CORO7: variants seen among roughly 807,000 people sequenced by gnomAD.
The protein encoded by CORO7 is coronin-7.
In CORO7, 107 loss-of-function variants were observed where a neutral mutation model predicts 126.6. The ratio of observed to expected loss-of-function variants is 0.85; its 90% CI spans 0.72 to 0.99. The LOEUF (loss-of-function observed/expected upper bound fraction) is 0.99, where lower values mean the gene tolerates loss of function less well. Among genes scored for constraint, CORO7 ranks in the 50% least tolerant of loss-of-function variants. CORO7 has a pLI of 0.00. For synonymous variants in CORO7, 603 were observed against 536.8 expected (o/e 1.12, Z -1.70); for missense variants, 1,314 against 1,255.8 (o/e 1.05, Z -0.70).
chr16:4,416,353 G>C (rs973359044), intron 1 of CORO7, 106 bp downstream of exon 1: 11 of 1,360,610 alleles, frequency 8.1e-6, no homozygotes, highest in Non-Finnish European at 1.0e-5. Context: ...TGGAGGTCTC[G>C]GGGTTCCAGA....
intron 7 of CORO7, 150 bp downstream of exon 7, chr16:4,395,139 G>A: frequency 9.6e-7 from 1 of 1,037,254 alleles, no homozygotes; most frequent in Non-Finnish European, 1.4e-6. Context: ...AGAGCTCCCA[G>A]CAGTGGTGGT....
intron 9 of CORO7, among the ~76,000 whole-genome samples, chr16:4,368,605 G>A (rs955873488): frequency 3.3e-5 from 5 of 151,092 alleles, no homozygotes; most frequent in Non-Finnish European, 5.9e-5. Flanking sequence ...AAAATGAGCT[G>A]AGCATGGTGG....
chr16:4,355,468 C>CTTT, intron 26 of CORO7, 96 bp from the exon 27 acceptor site: 53 of 1,075,464 alleles, frequency 4.9e-5, no homozygotes, highest in Non-Finnish European at 6.7e-5. Context: ...GTGAAAAGAA[C>CTTT]TTTTTTTTTT....
At chr16:4,410,917 G>A (rs59590996) in intron 3 of CORO7, among the ~76,000 whole-genome samples, 385 of 152,340 alleles carry the variant, frequency 2.5e-3, no homozygotes, top group African/African-American at 8.7e-3. Flanking sequence ...GGATCTGGCC[G>A]TGACAGTAGT....
intron 9 of CORO7, chr16:4,382,369 T>C: frequency 2.5e-6 from 4 of 1,612,158 alleles, no homozygotes; most frequent in Non-Finnish European, 3.4e-6. Context: ...CCGTCTCACC[T>C]ATCGCAACCT....
At chr16:4,394,432 G>T (rs2055507842) in intron 7 of CORO7, among the ~76,000 whole-genome samples, 1 of 149,036 alleles carries the variant, frequency 6.7e-6, no homozygotes, top group African/African-American at 2.5e-5. Flanking sequence ...CTGGGCGACA[G>T]AGCGAGACTC....
chr16:4,355,442 C>T (rs1375582701), intron 26 of CORO7, 70 bp from the exon 27 acceptor site: 1 of 1,478,390 alleles, frequency 6.8e-7, no homozygotes, highest in African/African-American at 1.4e-5. Context: ...ACTCCAAGAA[C>T]AACCCTGACA....
In CORO7 at chr16:4,355,301, C is replaced by G; in HGVS notation, c.2757G>C (p.Val919=). 1 of 1,613,540 alleles carries G rather than the reference C, an allele frequency of 6.2e-7. No individual in the cohort carries two copies. Among genetic ancestry groups the G allele is most frequent in the Non-Finnish European group, 8.5e-7 (1 of 1,179,962 alleles). The change falls in exon 27 of 28, where the codon GTG becomes GTC. Residue 919 remains valine (V), a synonymous_variant. Coordinates refer to ENST00000251166, the MANE Select transcript of CORO7 (RefSeq NM_024535.5). The stretch of plus-strand genomic sequence containing the variant: ...CACTACTCACCCACTCGTCCTCGTC[C>G]ACGCCTTCAAAGGAGTCCTGGGGGA... ...DPLPQDSFEG[V]DEDEWD
intron 7 of CORO7, among the ~76,000 whole-genome samples, chr16:4,394,171 C>T (rs2055495068): frequency 6.6e-6 from 1 of 150,438 alleles, no homozygotes; most frequent in South Asian, 2.1e-4. Flanking sequence ...GGTGGCCGGA[C>T]ACGGTGGCTC....
chr16:4,405,510 A>G lies in CORO7; in HGVS notation c.545T>C (p.Leu182Pro). Residue 182 changes from leucine (L) to proline (P), a missense_variant, in exon 6 of 28, where the codon CTG becomes CCG. Physicochemically the swap from Leu to Pro is moderately conservative, Grantham distance 98. Coordinates refer to ENST00000251166, the MANE Select transcript of CORO7 (RefSeq NM_024535.5). Reference sequence around the variant, plus strand: ...GCTCACCTTGCACGCCGTGCCCACCAGGGCTCCATCTCGGCTCCAGACGGC... The same window carrying G: ...GCTCACCTTGCACGCCGTGCCCACCGGGGCTCCATCTCGGCTCCAGACGGC... The part of the protein sequence containing the change: ...QSAVWSRDGA[L>P]VGTACKDKQL... 6.2e-7 allele frequency: 1 copy of G among 1,612,818 alleles called. No individual in the cohort carries two copies.
chr16:4,407,046 G>A (rs1312874615), intron 5 of CORO7, among the ~76,000 whole-genome samples: 1 of 151,866 alleles, frequency 6.6e-6, no homozygotes, highest in Non-Finnish European at 1.5e-5. Context: ...CTCCTGGGTT[G>A]GAGCAATACT....
At chr16:4,382,834 G>A (rs764710498) in intron 9 of CORO7, 29 of 1,598,808 alleles carry the variant, frequency 1.8e-5, no homozygotes, top group Non-Finnish European at 2.5e-5. Flanking sequence ...TGAGTGTGAG[G>A]TGCCACTCAT....
At chr16:4,409,843 C>A (rs1023735465) in intron 3 of CORO7, among the ~76,000 whole-genome samples, 5 of 152,218 alleles carry the variant, frequency 3.3e-5, no homozygotes, top group African/African-American at 1.2e-4. Flanking sequence ...ACAGCCAGAG[C>A]CCCACCTGGC....
intron 1 of CORO7, among the ~76,000 whole-genome samples, chr16:4,414,852 C>T (rs1056188427): frequency 6.6e-6 from 1 of 152,066 alleles, no homozygotes; most frequent in African/African-American, 2.4e-5. Flanking sequence ...CTCCTCCTAA[C>T]TTTTCTTGTT....
At chr16:4,398,044 T>C (rs534598531) in intron 6 of CORO7, among the ~76,000 whole-genome samples, 224 of 152,266 alleles carry the variant, frequency 1.5e-3, no homozygotes, top group Middle Eastern at 3.4e-3. Flanking sequence ...GCTTCCCAAG[T>C]ATGTGGGACC....
intron 6 of CORO7, among the ~76,000 whole-genome samples, chr16:4,404,074 C>T (rs537374322): frequency 6.6e-6 from 1 of 152,314 alleles, no homozygotes; most frequent in East Asian, 1.9e-4. Context: ...AGAGGAAAAA[C>T]TGATCAAGAC....
At chr16:4,413,900 T>C (rs532535984) in intron 1 of CORO7, among the ~76,000 whole-genome samples, 13 of 149,514 alleles carry the variant, frequency 8.7e-5, no homozygotes, top group African/African-American at 2.4e-4. Context: ...AAATGTAAAA[T>C]GTGGGCCAGG....
In CORO7 at chr16:4,360,146, T is replaced by TCTAC. The variant is rs2054115693; in HGVS notation, c.2108+128_2108+131dup. Reference sequence around the variant, plus strand: ...ACCCATCTACCCACTCATCCAATCATCTACCCACCCACCCAACCATCCAGT... The same window carrying TCTAC: ...ACCCATCTACCCACTCATCCAATCATCTACCTACCCACCCACCCAACCATCCAGT... On this transcript the variant is annotated intron_variant, in intron 21 of 27. Coordinates refer to ENST00000251166, the MANE Select transcript of CORO7 (RefSeq NM_024535.5). The TCTAC allele has an allele frequency of 4.4e-6, 5 of 1,147,396 alleles. No homozygotes were observed. The East Asian group carries it at 1.3e-4, about 29-fold the overall frequency. The allele number at this position is 1,147,396 out of a possible 1,614,324, so 71.1% of individuals were successfully genotyped here.
intron 3 of CORO7, among the ~76,000 whole-genome samples, chr16:4,411,088 T>A (rs73509381): frequency 6.6e-6 from 1 of 152,184 alleles, no homozygotes; most frequent in Non-Finnish European, 1.5e-5. Context: ...TCGGTCACTT[T>A]AATAAGAATC....
Sources: gnomAD v4.1 joint callset for allele counts (sites outside exome capture counted in the v4.1 genomes callset) on GRCh38, gnomAD v4.1.1 for gene constraint, MANE v1.5 for transcripts, NCBI Gene and HGNC (gene_info 2026-07-23, HGNC 2026-07-21) for gene names.